The following NABP1 variants were observed in gnomAD, a reference collection of about 807,000 sequenced individuals.
NABP1 encodes nucleic acid binding protein 1, also known as SOSS complex subunit B2.
NABP1 carries 18 observed loss-of-function variants against 25.0 expected under a neutral mutation model. The observed-to-expected ratio is 0.72, with a 90% CI of 0.50 to 1.07. The LOEUF (loss-of-function observed/expected upper bound fraction) is 1.07, where lower values mean the gene tolerates loss of function less well. NABP1 is among the 50% of genes least tolerant of loss of function. NABP1 has a pLI of 0.00. For missense variants in NABP1, 270 were observed against 255.6 expected, an observed-to-expected ratio of 1.06 and a Z score of -0.39; for synonymous variants, 71 against 85.0, an observed-to-expected ratio of 0.84 and a Z score of 0.91.
intron 1 of NABP1, 79 bp downstream of exon 1, chr2:191,678,784 C>G: frequency 7.3e-7 from 1 of 1,378,098 alleles, no homozygotes; most frequent in Non-Finnish European, 1.0e-6. Context: ...CGCTGCGCGC[C>G]CGGGGCTCCC....
intron 1 of NABP1, 49 bp downstream of exon 1, chr2:191,678,754 C>T (rs556362727): frequency 9.7e-6 from 15 of 1,544,058 alleles, no homozygotes; most frequent in Non-Finnish European, 1.3e-5. Context: ...CCTCCCGGGG[C>T]GGGAGACAGG....
intron 5 of NABP1, chr2:191,685,197 A>C (rs1025588546): frequency 1.8e-5 from 3 of 163,738 alleles, no homozygotes; most frequent in African/African-American, 7.2e-5. Flanking sequence ...ATGTCTTGGC[A>C]TTGCTGATCA....
At chr2:191,678,867 G>A in intron 1 of NABP1, 123 bp from the exon 2 acceptor site, 1 of 1,449,856 alleles carries the variant, frequency 6.9e-7, no homozygotes, top group African/African-American at 1.4e-5. Context: ...TACCTGAGGC[G>A]GGAGCCCTGG....
At chr2:191,678,747 C>A in intron 1 of NABP1, 42 bp downstream of exon 1, 1 of 1,564,856 alleles carries the variant, frequency 6.4e-7, no homozygotes, top group Non-Finnish European at 8.7e-7. Context: ...CGCTGTGCCT[C>A]CCGGGGCGGG....
chr2:191,680,919 G>C (rs1687670209), intron 2 of NABP1, among the ~76,000 whole-genome samples: 1 of 152,110 alleles, frequency 6.6e-6, no homozygotes, highest in Admixed American at 6.5e-5. Flanking sequence ...TTGAATCTAA[G>C]AAAAGTAGCT....
At chr2:191,684,206 G>A (rs762717067) in intron 4 of NABP1, 24 bp from the exon 5 acceptor site, 9 of 1,430,378 alleles carry the variant, frequency 6.3e-6, no homozygotes, top group African/African-American at 3.0e-5. Context: ...TTCTCGTTTG[G>A]TTAAATTAAA....
intron 3 of NABP1, 55 bp downstream of exon 3, chr2:191,682,072 G>C: frequency 9.2e-7 from 1 of 1,088,796 alleles, no homozygotes; most frequent in Non-Finnish European, 1.3e-6. Context: ...AATATCTACG[G>C]AATGATTGGT....
Position 191,679,189 on chromosome 2 carries a change from T to G in NABP1, c.230+61T>G, listed in dbSNP as rs946709030. On this transcript the variant is annotated intron_variant, in intron 2 of 5. Coordinates refer to ENST00000425611, the MANE Select transcript of NABP1 (RefSeq NM_001031716.5). ...TGCAGAATCGGGATTGGCCGGCTCC[T>G]GGGATCTTGGCAAGCCCTGAAGTCC... The G allele has an allele frequency of 8.7e-6, 14 of 1,603,962 alleles. No homozygotes were observed. In the Admixed American group the frequency reaches 1.8e-4, roughly 21 times the overall value.
At chr2:191,680,800 C>T (rs1687666911) in intron 2 of NABP1, among the ~76,000 whole-genome samples, 1 of 152,134 alleles carries the variant, frequency 6.6e-6, no homozygotes, top group Non-Finnish European at 1.5e-5. Flanking sequence ...AGTTACTACA[C>T]CTCATACTTC....
In NABP1 at chr2:191,686,700, A is replaced by T. The variant is rs1215419024; in HGVS notation, c.*932A>T. On this transcript the variant is annotated 3_prime_UTR_variant, in exon 6 of 6. Transcript: ENST00000425611. ...AATCCTGGGTACTGACTTTGAGAGGAGTGAGTGTGCATGTTGTCAAAGTTT... is the reference window on the plus strand; with the variant it reads ...AATCCTGGGTACTGACTTTGAGAGGTGTGAGTGTGCATGTTGTCAAAGTTT... The T allele has an allele frequency of 2.0e-5, 3 of 152,348 alleles. No individual in the cohort carries two copies. The highest frequency in any genetic ancestry group is 4.4e-5 in the Non-Finnish European group (3 of 68,042). The allele number at this position is 152,348 out of a possible 1,614,324, so 9.4% of individuals were successfully genotyped here. A position where few individuals can be genotyped will look rare whatever the true frequency, so the allele number is the denominator to read the frequency against.
At chr2:191,681,854 A>G in intron 2 of NABP1, 92 bp from the exon 3 acceptor site, 1 of 785,354 alleles carries the variant, frequency 1.3e-6, no homozygotes, top group Non-Finnish European at 1.9e-6. Context: ...CTTCTACCTT[A>G]ATACAAAAAA....
rs781513296 is a variant in NABP1 at position 191,678,403 on chromosome 2, CTTTTTTTTT to C, written c.-196_-188del. On this transcript the variant is annotated 5_prime_UTR_variant, in exon 1 of 6. Coordinates refer to ENST00000425611, the MANE Select transcript of NABP1 (RefSeq NM_001031716.5). ...CTTTTTTTCTTTAGAACTTGTGAGC[CTTTTTTTTT>C]TTTTTTTTTTTTTTTCTTTTTTTAG... 8 of 242,002 alleles carry C rather than the reference CTTTTTTTTT, an allele frequency of 3.3e-5. No homozygotes were observed. The highest frequency in any genetic ancestry group is 1.4e-4 in the East Asian group (2 of 14,376). The allele number at this position is 242,002 out of a possible 1,614,324, so 15.0% of individuals were successfully genotyped here.
intron 1 of NABP1, 101 bp from the exon 2 acceptor site, chr2:191,678,889 T>G: frequency 6.4e-7 from 1 of 1,554,236 alleles, no homozygotes. Context: ...CTTGGTCACT[T>G]CCCACCTTCC....
In NABP1 at chr2:191,683,951, A is replaced by G; in HGVS notation, c.378+147A>G. 2.8e-6 allele frequency: 2 copies of G among 723,868 alleles called. No homozygotes were observed. The highest frequency in any genetic ancestry group is 3.4e-5 in the Admixed American group (1 of 29,828). The allele number at this position is 723,868 out of a possible 1,614,324, so 44.8% of individuals were successfully genotyped here. A position where few individuals can be genotyped will look rare whatever the true frequency, so the allele number is the denominator to read the frequency against. On this transcript the variant is annotated intron_variant, in intron 4 of 5. Coordinates refer to ENST00000425611, the MANE Select transcript of NABP1 (RefSeq NM_001031716.5). The surrounding 1 kb of genome is among the most constrained non-coding windows in gnomAD (Gnocchi z 4.1). ...TATTGTATGTTTTGTGAGGATATGT[A>G]TCTGAGGTGTCATCTACTAGATATA...
rs1224849789 is a variant in NABP1 at position 191,683,148 on chromosome 2, A to G, written c.303-581A>G. 6.3e-6 allele frequency: 1 copy of G among 157,882 alleles called. No homozygotes were observed. The highest frequency in any genetic ancestry group is 1.4e-5 in the Non-Finnish European group (1 of 71,698). 9.8% of individuals were successfully genotyped at this position (157,882 alleles called of 1,614,324 possible). ...ATTTGTCTTCAGTATGGTGAGGAGT[A>G]ATAAAATGCTTCTTTGTAATGTTAG... On this transcript the variant is annotated intron_variant, in intron 3 of 5. Transcript: ENST00000425611. The surrounding 1 kb of genome is among the most constrained non-coding windows in gnomAD (Gnocchi z 4.1).
intron 3 of NABP1, chr2:191,682,829 T>G (rs1337104518): frequency 3.9e-6 from 1 of 256,804 alleles, no homozygotes; most frequent in Non-Finnish European, 7.9e-6. Flanking sequence ...TGGTTAATAA[T>G]GAAGGAAAAG....
chr2:191,680,113 C>G (rs192374280), intron 2 of NABP1, among the ~76,000 whole-genome samples: 126 of 151,564 alleles, frequency 8.3e-4, no homozygotes, highest in African/African-American at 2.5e-3. Flanking sequence ...AATACTAGAA[C>G]TTTTTTTTTA....
Position 191,686,024 on chromosome 2 carries a change from A to C in NABP1, c.*256A>C. On this transcript the variant is annotated 3_prime_UTR_variant, in exon 6 of 6. Coordinates refer to ENST00000425611, the MANE Select transcript of NABP1 (RefSeq NM_001031716.5). ...AAAGATTATTGGATAGCCTTTAAAA[A>C]ACCTGCACCCATTTCATGGGTGAGT... The C allele has an allele frequency of 2.9e-6, 1 of 349,496 alleles. No individual in the cohort carries two copies. The highest frequency in any genetic ancestry group is 5.2e-6 in the Non-Finnish European group (1 of 191,640). The allele number at this position is 349,496 out of a possible 1,614,324, so 21.6% of individuals were successfully genotyped here. A position where few individuals can be genotyped will look rare whatever the true frequency, so the allele number is the denominator to read the frequency against.
rs1213565599 is a variant in NABP1, at chr2:191,686,569, A to G, written c.*801A>G. 1 of 152,242 alleles carries G rather than the reference A, an allele frequency of 6.6e-6. No homozygotes were observed. The highest frequency in any genetic ancestry group is 2.4e-5 in the African/African-American group (1 of 41,460). The allele number at this position is 152,242 out of a possible 1,614,324, so 9.4% of individuals were successfully genotyped here. On this transcript the variant is annotated 3_prime_UTR_variant, in exon 6 of 6. Coordinates refer to ENST00000425611, the MANE Select transcript of NABP1 (RefSeq NM_001031716.5). ...AAACATTCATCTGATTATTTTAAAC[A>G]ATAGTTGTGGTAGATAAACATACTG...
Sources: allele counts gnomAD v4.1 joint callset (sites outside exome capture counted in the v4.1 genomes callset), GRCh38; gene constraint gnomAD v4.1.1; non-coding constraint Gnocchi (gnomAD v3.1); transcripts MANE v1.5; gene names NCBI Gene and HGNC (gene_info 2026-07-23, HGNC 2026-07-21).